Variants in CHD2 observed in about 807,000 individuals in gnomAD.
The protein encoded by CHD2 is ATP-dependent chromatin remodeler CHD2.
CHD2 carries 28 observed loss-of-function variants against 243.9 expected under a neutral mutation model. The observed-to-expected ratio is 0.11, with a 90% confidence interval of 0.09 to 0.16. The LOEUF is 0.16. Among genes scored for constraint, CHD2 ranks in the 10% least tolerant of loss-of-function variants. CHD2 has a pLI of 1.00. For synonymous variants in CHD2, 775 were observed against 779.0 expected, an observed-to-expected ratio of 0.99 and a Z score of 0.09; for missense variants, 1,386 against 2,209.8, an observed-to-expected ratio of 0.63 and a Z score of 7.47.
At chr15:93,017,072 T>C (rs1225729775) in intron 37 of CHD2, among the ~76,000 whole-genome samples, 2 of 152,226 alleles carry the variant, frequency 1.3e-5, no homozygotes, top group Admixed American at 6.5e-5. Flanking sequence ...ACACACCGAT[T>C]GCTAAGAGTG....
chr15:92,944,329 C>A, intron 9 of CHD2, 86 bp from the exon 10 acceptor site: 1 of 656,636 alleles, frequency 1.5e-6, no homozygotes, highest in East Asian at 2.6e-5. Flanking sequence ...AATAGGTTTT[C>A]TTTTCCACCT....
chr15:92,946,426 A>C, intron 12 of CHD2: 1 of 391,188 alleles, frequency 2.6e-6, no homozygotes, highest in Middle Eastern at 6.8e-4. Context: ...AATTTACATA[A>C]TTAGAAATAG....
At chr15:93,000,402 C>A in intron 31 of CHD2, 110 bp from the exon 32 acceptor site, 2 of 1,137,222 alleles carry the variant, frequency 1.8e-6, no homozygotes, top group Non-Finnish European at 2.4e-6. Flanking sequence ...TTGGAATTTT[C>A]TTGTTTGAAT....
At chr15:92,911,287 C>T (rs1291173615) in intron 2 of CHD2, among the ~76,000 whole-genome samples, 1 of 152,128 alleles carries the variant, frequency 6.6e-6, no homozygotes, top group African/African-American at 2.4e-5. Context: ...TTATGTAATT[C>T]TCACCACTCC....
At chr15:93,018,017 A>G (rs1440387390) in intron 37 of CHD2, among the ~76,000 whole-genome samples, 2 of 152,172 alleles carry the variant, frequency 1.3e-5, no homozygotes, top group East Asian at 3.9e-4. Flanking sequence ...ATAGCTCAAT[A>G]CTTTGTAACC....
At chr15:92,999,203 G>C (rs1410309584) in intron 31 of CHD2, among the ~76,000 whole-genome samples, 1 of 150,384 alleles carries the variant, frequency 6.6e-6, no homozygotes, top group Non-Finnish European at 1.5e-5. Context: ...CTGCTCCCCA[G>C]TCCCACTATT....
Position 92,956,354 on chromosome 15 carries a change from A to G in CHD2, c.1810-105A>G, listed in dbSNP as rs558999176. 2.7e-5 allele frequency: 22 copies of G among 826,672 alleles called. No homozygotes were observed. The East Asian group carries it at 3.0e-4, about 11-fold the overall frequency. The allele number at this position is 826,672 out of a possible 1,614,324, so 51.2% of individuals were successfully genotyped here. A position where few individuals can be genotyped will look rare whatever the true frequency, so the allele number is the denominator to read the frequency against. On this transcript the variant is annotated intron_variant, in intron 15 of 38. Coordinates refer to ENST00000394196, the MANE Select transcript of CHD2 (RefSeq NM_001271.4). ...TTGTCAGTGAAGAATAAATGTGTCAATTTATACCTTTGTAATGGTATTTAT... is the reference window on the plus strand; with the variant it reads ...TTGTCAGTGAAGAATAAATGTGTCAGTTTATACCTTTGTAATGGTATTTAT...
At chr15:92,975,747 A>G (rs1404719411) in intron 20 of CHD2, among the ~76,000 whole-genome samples, 2 of 151,904 alleles carry the variant, frequency 1.3e-5, no homozygotes, top group African/African-American at 4.8e-5. Flanking sequence ...GCCTGTTACT[A>G]CAGAATGCTC....
intron 2 of CHD2, among the ~76,000 whole-genome samples, chr15:92,919,271 G>A (rs574454621): frequency 6.6e-5 from 10 of 151,272 alleles, no homozygotes; most frequent in South Asian, 6.2e-4. Context: ...TTCCTCTTAC[G>A]AGAAGTATGA....
At chr15:92,989,779 C>T (rs770475260) in intron 26 of CHD2, among the ~76,000 whole-genome samples, 9 of 152,152 alleles carry the variant, frequency 5.9e-5, no homozygotes, top group Non-Finnish European at 1.2e-4. Context: ...GACAGTGAGT[C>T]CAAGAGGCAG....
rs910390803 is a variant in CHD2 at position 92,997,223 on chromosome 15, A to C, written c.3735-30A>C. ...AACATACCAAAAAGGCCCCTCTTCT[A>C]ATGTCTTCCTGTTTTTAAACTTTCT... On this transcript the variant is annotated intron_variant, in intron 29 of 38. Coordinates refer to ENST00000394196, the MANE Select transcript of CHD2 (RefSeq NM_001271.4). This position sits in a 1 kb window ranked among gnomAD's most constrained non-coding sequence, Gnocchi z 4.1. 3 of 1,613,388 alleles carry C rather than the reference A, an allele frequency of 1.9e-6. No individual in the cohort carries two copies. The African/African-American group carries it at 4.0e-5, about 22-fold the overall frequency.
At chr15:92,976,538 C>T (rs1165164987) in intron 20 of CHD2, among the ~76,000 whole-genome samples, 2 of 151,298 alleles carry the variant, frequency 1.3e-5, no homozygotes, top group South Asian at 2.1e-4. Flanking sequence ...AGGCTAGGCG[C>T]GCATAGTGGC....
intron 13 of CHD2, among the ~76,000 whole-genome samples, chr15:92,950,211 C>T (rs2053534677): frequency 1.3e-5 from 2 of 152,212 alleles, no homozygotes; most frequent in Non-Finnish European, 2.9e-5. Flanking sequence ...TTAACAGCCA[C>T]ATAGGGCTTA....
chr15:92,954,376 G>T (rs2053592223), intron 14 of CHD2: 1 of 152,184 alleles, frequency 6.6e-6, no homozygotes, highest in African/African-American at 2.4e-5. Flanking sequence ...TTTCATCACT[G>T]TATATAAACT....
At chr15:92,970,707 C>A (rs555242722) in intron 17 of CHD2, among the ~76,000 whole-genome samples, 1 of 152,218 alleles carries the variant, frequency 6.6e-6, no homozygotes, top group African/African-American at 2.4e-5. Context: ...TAGAGATAGG[C>A]CTTTATGATG....
At chr15:92,948,473 C>T (rs534738685) in intron 12 of CHD2, among the ~76,000 whole-genome samples, 1 of 152,288 alleles carries the variant, frequency 6.6e-6, no homozygotes, top group East Asian at 1.9e-4. Context: ...TGAACTAACT[C>T]TGGCTTATGG....
At chr15:93,022,774 T>C (rs978628189) in intron 38 of CHD2, among the ~76,000 whole-genome samples, 1 of 152,230 alleles carries the variant, frequency 6.6e-6, no homozygotes, top group African/African-American at 2.4e-5. Context: ...TGGGTTTCCT[T>C]CTTCCTGTGT....
rs3064790 is a variant in CHD2 at position 92,961,876 on chromosome 15, CTT to C, written c.2000+5249_2000+5250del. ...GGTTTCTTCCTCTGTTTTTTCTTCTCTTTTTTTTTTTTTTTTTTTTTTTGAGA... is the reference window on the plus strand; with the variant it reads ...GGTTTCTTCCTCTGTTTTTTCTTCTCTTTTTTTTTTTTTTTTTTTTTGAGA... On this transcript the variant is annotated intron_variant, in intron 16 of 38. Transcript: ENST00000394196. Among the ~76,000 whole-genome samples the C allele has an allele frequency of 1.3e-4, 10 of 78,642 alleles. No homozygotes were observed. In the East Asian group the frequency reaches 1.7e-3, roughly 13 times the overall value. The allele number at this position is 78,642 out of a possible 152,430, so 51.6% of individuals were successfully genotyped here.
In CHD2 at chr15:92,997,085, G is replaced by GA. The variant is rs752940775; in HGVS notation, c.3734dup (p.Tyr1246IlefsTer13). Reference sequence around the variant, plus strand: ...TAAATCTATCCCTGTGGACCCTGAAGAAAAAAAAAAGTGAGTATATTTTGT... The same window carrying GA: ...TAAATCTATCCCTGTGGACCCTGAAGAAAAAAAAAAAGTGAGTATATTTTGT... On this transcript the variant is annotated frameshift_variant, in exon 29 of 39. Transcript: ENST00000394196. LOFTEE classifies it high-confidence loss of function. The surrounding 1 kb of genome is among the most constrained non-coding windows in gnomAD (Gnocchi z 4.1). 3.2e-3 allele frequency: 4,438 copies of GA among 1,369,822 alleles called. No homozygotes were observed. Among genetic ancestry groups the GA allele is most frequent in the Admixed American group, 7.7e-3 (363 of 46,962 alleles). 84.9% of individuals were successfully genotyped at this position (1,369,822 alleles called of 1,614,324 possible). A position where few individuals can be genotyped will look rare whatever the true frequency, so the allele number is the denominator to read the frequency against.
Sources: allele counts gnomAD v4.1 joint callset (sites outside exome capture counted in the v4.1 genomes callset), GRCh38; gene constraint gnomAD v4.1.1; non-coding constraint Gnocchi (gnomAD v3.1); transcripts MANE v1.5; gene names NCBI Gene and HGNC (gene_info 2026-07-23, HGNC 2026-07-21).